The following SRPK2 variants were observed in gnomAD, a reference collection of about 807,000 sequenced individuals.
SRPK2 encodes SRSF protein kinase 2.
A neutral mutation model predicts 90.8 loss-of-function variants in SRPK2; 21 were observed. That is an observed-to-expected ratio of 0.23 (90% CI 0.16 to 0.33). The LOEUF is 0.33. Ranked by LOEUF, SRPK2 falls within the 10% of genes least tolerant of loss-of-function variation. SRPK2 has a pLI of 1.00. For missense variants in SRPK2, 620 were observed against 869.0 expected (o/e 0.71, Z 3.60); for synonymous variants, 288 against 311.1 (o/e 0.93, Z 0.78).
chr7:105,373,278 C>T (rs940974601), intron 2 of SRPK2, among the ~76,000 whole-genome samples: 8 of 151,802 alleles, frequency 5.3e-5, no homozygotes, highest in African/African-American at 1.2e-4. Flanking sequence ...AGGCCATCAA[C>T]GATAAACAAA....
At chr7:105,247,429 T>C (rs1801814294) in intron 2 of SRPK2, among the ~76,000 whole-genome samples, 1 of 151,998 alleles carries the variant, frequency 6.6e-6, no homozygotes, top group Non-Finnish European at 1.5e-5. Flanking sequence ...TAAATGACGA[T>C]GTCCTTTAAG....
chr7:105,370,101 C>T (rs1243832708), intron 2 of SRPK2, among the ~76,000 whole-genome samples: 1 of 152,080 alleles, frequency 6.6e-6, no homozygotes, highest in Non-Finnish European at 1.5e-5. Flanking sequence ...AACCTTTGTA[C>T]CCTGGATGTT....
chr7:105,157,688 AT>A (rs1402991509), intron 7 of SRPK2, among the ~76,000 whole-genome samples: 1 of 152,178 alleles, frequency 6.6e-6, no homozygotes, highest in African/African-American at 2.4e-5. Context: ...ACACAATCAA[AT>A]TTTCAGCTTG....
At chr7:105,314,217 A>G (rs193291791) in intron 2 of SRPK2, among the ~76,000 whole-genome samples, 1 of 152,014 alleles carries the variant, frequency 6.6e-6, no homozygotes, top group African/African-American at 2.4e-5. Context: ...CTGTAATCCA[A>G]GCTACTTGGG....
intron 2 of SRPK2, among the ~76,000 whole-genome samples, chr7:105,253,494 C>T (rs1802773093): frequency 6.6e-6 from 1 of 152,068 alleles, no homozygotes; most frequent in Non-Finnish European, 1.5e-5. Context: ...ACTATATACC[C>T]CTCTCATCTA....
At chr7:105,233,153 G>GGAAGGA (rs1563120524) in intron 2 of SRPK2, among the ~76,000 whole-genome samples, 7 of 106,200 alleles carry the variant, frequency 6.6e-5, no homozygotes, top group African/African-American at 1.4e-4. Flanking sequence ...GGAAGGAAGG[G>GGAAGGA]GAAAGGGAAG....
chr7:105,216,069 CAA>C (rs767351592), intron 2 of SRPK2, among the ~76,000 whole-genome samples: 18 of 60,102 alleles, frequency 3.0e-4, no homozygotes, highest in East Asian at 5.1e-4. Context: ...CCCATCTCTA[CAA>C]AAAAAAAAAA....
chr7:105,290,487 G>C (rs1808828107), intron 2 of SRPK2, among the ~76,000 whole-genome samples: 1 of 151,954 alleles, frequency 6.6e-6, no homozygotes, highest in African/African-American at 2.4e-5. Flanking sequence ...GACAGAGCAA[G>C]ACCTTGTCTC....
At chr7:105,224,133 C>T (rs1292155187) in intron 2 of SRPK2, among the ~76,000 whole-genome samples, 1 of 152,172 alleles carries the variant, frequency 6.6e-6, no homozygotes, top group Non-Finnish European at 1.5e-5. Context: ...TAAACGACAT[C>T]TGTACCATAT....
chr7:105,186,199 A>C (rs985718556), intron 3 of SRPK2, among the ~76,000 whole-genome samples: 3 of 152,274 alleles, frequency 2.0e-5, no homozygotes, highest in South Asian at 2.1e-4. Flanking sequence ...TTTACTTTTT[A>C]AATTTTATTT....
intron 2 of SRPK2, among the ~76,000 whole-genome samples, chr7:105,291,212 G>A (rs1585563188): frequency 6.6e-6 from 1 of 152,268 alleles, no homozygotes; most frequent in Middle Eastern, 3.4e-3. Flanking sequence ...GATGGCAGGG[G>A]CCTGTTCCCA....
In SRPK2 at chr7:105,293,446, CTTTT is replaced by C. The variant is rs1208236176; in HGVS notation, c.72-89665_72-89662del. On this transcript the variant is annotated intron_variant, in intron 2 of 15. Coordinates refer to ENST00000393651, the MANE Select transcript of SRPK2 (RefSeq NM_182692.3). The stretch of plus-strand genomic sequence containing the variant: ...ATTAGGTAGATACAAATATCATTTC[CTTTT>C]TTGTGGGGGGGTGGGAGACAGAGTC... Among the ~76,000 whole-genome samples the C allele has an allele frequency of 4.0e-5, 5 of 124,120 alleles. No individual in the cohort carries two copies. In the East Asian group the frequency reaches 1.1e-3, roughly 27 times the overall value. The allele number at this position is 124,120 out of a possible 152,430, so 81.4% of individuals were successfully genotyped here.
At chr7:105,186,413 T>C (rs1053513316) in intron 3 of SRPK2, among the ~76,000 whole-genome samples, 2 of 152,220 alleles carry the variant, frequency 1.3e-5, no homozygotes, top group Non-Finnish European at 2.9e-5. Flanking sequence ...GTGCCCATTG[T>C]TTAGTTCCCA....
chr7:105,161,440 C>T (rs998317951), intron 6 of SRPK2, among the ~76,000 whole-genome samples: 5 of 152,164 alleles, frequency 3.3e-5, no homozygotes, highest in African/African-American at 1.2e-4. Context: ...TATTATTTCA[C>T]GTGTACTCCA....
rs1203593997 is a variant in SRPK2, at chr7:105,300,435, A to G, written c.71+88213T>C. 2.0e-5 allele frequency among the ~76,000 whole-genome samples: 3 copies of G among 152,162 alleles called. 1 individual carries two copies. The highest frequency in any genetic ancestry group is 2.0e-4 in the Admixed American group (3 of 15,268). On this transcript the variant is annotated intron_variant, in intron 2 of 15. Transcript: ENST00000393651. ...ACTGATTTTCTGCCACGACTTATGG[A>G]AACAGAAGAATAGCCACAGGAGGAA...
intron 2 of SRPK2, among the ~76,000 whole-genome samples, chr7:105,331,333 A>AAAAAAAAAAAC (rs1814360801): frequency 1.4e-5 from 2 of 144,768 alleles, no homozygotes; most frequent in African/African-American, 2.6e-5. Context: ...AAAAAAAAAA[A>AAAAAAAAAAAC]AAAACAAATA....
chr7:105,396,789 A>G (rs1822338563), intron 1 of SRPK2, among the ~76,000 whole-genome samples: 1 of 120,836 alleles, frequency 8.3e-6, no homozygotes, highest in Non-Finnish European at 1.8e-5. Flanking sequence ...AGAGAAAGAA[A>G]GAAAGAGAAA....
chr7:105,138,308 G>A (rs760042005), intron 11 of SRPK2, among the ~76,000 whole-genome samples: 4 of 152,176 alleles, frequency 2.6e-5, no homozygotes, highest in Non-Finnish European at 4.4e-5. Flanking sequence ...AAGACAGACA[G>A]TGACAATGAG....
At position 105,218,283 on chromosome 7, in the gene SRPK2, A is replaced by G. The variant is rs558654432; in HGVS notation, c.72-14498T>C. Among the ~76,000 whole-genome samples, 6 of 152,362 alleles carry G rather than the reference A, an allele frequency of 3.9e-5. 1 individual carries two copies. In the South Asian group the frequency reaches 8.3e-4, roughly 21 times the overall value. ...GTTAAATCTATTTCTTTCGGAAGCT[A>G]TAACACAATAGTTCTCAAATAGAAC... On this transcript the variant is annotated intron_variant, in intron 2 of 15. Transcript: ENST00000393651.
Sources: gnomAD v4.1 joint callset for allele counts (sites outside exome capture counted in the v4.1 genomes callset) on GRCh38, gnomAD v4.1.1 for gene constraint, MANE v1.5 for transcripts, NCBI Gene and HGNC (gene_info 2026-07-23, HGNC 2026-07-21) for gene names.